TENM2: variants seen among roughly 807,000 people sequenced by gnomAD.
TENM2 encodes the protein teneurin transmembrane protein 2, also known as teneurin-2.
TENM2 carries 52 observed loss-of-function variants against 245.2 expected under a neutral mutation model. The observed-to-expected ratio is 0.21, with a 90% confidence interval of 0.17 to 0.27. The LOEUF is 0.27. TENM2 is among the 10% of genes least tolerant of loss of function. The probability of loss-of-function intolerance (pLI) is 1.00; values close to 1 mark genes in which losing one functional copy is unlikely to be tolerated. For synonymous variants in TENM2, 1,363 were observed against 1,438.9 expected (o/e 0.95, Z 1.19); for missense variants, 3,046 against 3,666.8 (o/e 0.83, Z 4.37).
Position 168,080,216 on chromosome 5 carries a change from G to A in TENM2, c.1516-10358G>A, listed in dbSNP as rs547251562. Among the ~76,000 whole-genome samples the A allele has an allele frequency of 2.2e-3, 330 of 152,206 alleles. 2 individuals carry two copies. The highest frequency in any genetic ancestry group is 7.4e-3 in the African/African-American group (308 of 41,552). ...CTTCTAGATTTTCTAGTTTATTTGC[G>A]TAGAGGTGTTTATAGTATTCTCTGA... On this transcript the variant is annotated intron_variant, in intron 7 of 28. Transcript: ENST00000518659.
intron 2 of TENM2, among the ~76,000 whole-genome samples, chr5:167,702,538 GTA>G (rs200553403): frequency 0.088 from 11,095 of 126,208 alleles, 545 homozygotes; most frequent in African/African-American, 0.17. Context: ...ATGTATGTAT[GTA>G]TGTGTGTGTG....
intron 25 of TENM2, among the ~76,000 whole-genome samples, chr5:168,239,332 T>G (rs189687665): frequency 2.6e-5 from 4 of 152,328 alleles, no homozygotes. Flanking sequence ...TTTTCACATT[T>G]CAAAGTTAAC....
chr5:167,254,442 C>T, the TENM2 span, among the ~76,000 whole-genome samples: 5 of 152,114 alleles, frequency 3.3e-5, no homozygotes, highest in African/African-American at 9.7e-5. Flanking sequence ...CCAAAGTCAT[C>T]CCTCCACCCA....
chr5:167,280,761 TC>T (rs1771002556), upstream of TENM2, among the ~76,000 whole-genome samples: 3 of 94,532 alleles, frequency 3.2e-5, no homozygotes, highest in Admixed American at 3.8e-4. Context: ...TGTCTGTCTA[TC>T]TATCTATCTA....
At chr5:167,471,161 A>G (rs1056928522) in intron 2 of TENM2, among the ~76,000 whole-genome samples, 4 of 152,208 alleles carry the variant, frequency 2.6e-5, no homozygotes, top group Admixed American at 1.3e-4. Context: ...AGATGTGGCT[A>G]CTTTATGACA....
intron 3 of TENM2, among the ~76,000 whole-genome samples, chr5:167,928,393 C>A (rs1475960243): frequency 2.6e-5 from 4 of 152,098 alleles, no homozygotes; most frequent in Non-Finnish European, 5.9e-5. Flanking sequence ...TTCCTCTAGG[C>A]CCATAAAGGA....
At chr5:167,551,514 G>A (rs894988432) in intron 2 of TENM2, among the ~76,000 whole-genome samples, 1 of 152,056 alleles carries the variant, frequency 6.6e-6, no homozygotes, top group African/African-American at 2.4e-5. Flanking sequence ...AAACTCATGA[G>A]CAAATCCATA....
the TENM2 span, among the ~76,000 whole-genome samples, chr5:167,014,509 A>G: frequency 4.6e-5 from 7 of 152,278 alleles, no homozygotes; most frequent in Non-Finnish European, 4.4e-5. Context: ...TGGCAGGTCT[A>G]TATTCAAAAT....
intron 20 of TENM2, among the ~76,000 whole-genome samples, chr5:168,214,593 T>C (rs1763035954): frequency 6.6e-6 from 1 of 152,216 alleles, no homozygotes; most frequent in African/African-American, 2.4e-5. Flanking sequence ...CTGGTATTAA[T>C]GGCCTAGTAC....
chr5:168,058,925 A>G (rs1010792876), intron 6 of TENM2, among the ~76,000 whole-genome samples: 2 of 152,184 alleles, frequency 1.3e-5, no homozygotes, highest in African/African-American at 4.8e-5. Flanking sequence ...TTTTACAAAA[A>G]AAAAGGACTG....
At chr5:167,769,816 A>C (rs554512707) in intron 2 of TENM2, among the ~76,000 whole-genome samples, 5 of 152,182 alleles carry the variant, frequency 3.3e-5, no homozygotes, top group African/African-American at 4.8e-5. Flanking sequence ...GATTGTGTCC[A>C]TTGAGGGATG....
the TENM2 span, among the ~76,000 whole-genome samples, chr5:166,990,266 G>A: frequency 6.6e-6 from 1 of 152,044 alleles, no homozygotes; most frequent in South Asian, 2.1e-4. Flanking sequence ...TAAAATTTTT[G>A]CATCTGAAGG....
chr5:168,158,823 G>GTATATATA (rs1457207916), intron 12 of TENM2, among the ~76,000 whole-genome samples: 1 of 64,448 alleles, frequency 1.6e-5, no homozygotes, highest in African/African-American at 6.2e-5. Flanking sequence ...GTGTGTGTGT[G>GTATATATA]TGTGTGTATA....
chr5:167,319,037 T>A (rs1756552502), intron 1 of TENM2, among the ~76,000 whole-genome samples: 1 of 152,120 alleles, frequency 6.6e-6, no homozygotes, highest in South Asian at 2.1e-4. Flanking sequence ...TTTAGAGATT[T>A]TAAAAAAAAA....
At chr5:167,038,132 C>T in the TENM2 span, among the ~76,000 whole-genome samples, 1 of 152,218 alleles carries the variant, frequency 6.6e-6, no homozygotes, top group African/African-American at 2.4e-5. Context: ...GACACATTGG[C>T]TTTCCTCATG....
intron 2 of TENM2, among the ~76,000 whole-genome samples, chr5:167,467,445 A>G (rs1766736120): frequency 6.6e-6 from 1 of 151,658 alleles, no homozygotes; most frequent in Non-Finnish European, 1.5e-5. Flanking sequence ...GGACTAATAT[A>G]CTCACCTTAG....
chr5:168,092,378 A>C (rs1793015906), intron 8 of TENM2, among the ~76,000 whole-genome samples: 1 of 152,184 alleles, frequency 6.6e-6, no homozygotes, highest in African/African-American at 2.4e-5. Flanking sequence ...GTTTTATTGG[A>C]GCAGCCCCAT....
At chr5:167,553,833 A>C (rs1298371907) in intron 2 of TENM2, among the ~76,000 whole-genome samples, 1 of 152,198 alleles carries the variant, frequency 6.6e-6, no homozygotes, top group African/African-American at 2.4e-5. Flanking sequence ...CCCCTCCTTC[A>C]CACAGACTTT....
chr5:167,853,183 A>G (rs1242263960), intron 2 of TENM2, among the ~76,000 whole-genome samples: 2 of 148,794 alleles, frequency 1.3e-5, no homozygotes, highest in Non-Finnish European at 3.0e-5. Context: ...CCAGCTACTC[A>G]GGAGGCTGAG....
Sources: gnomAD v4.1 joint callset for allele counts (sites outside exome capture counted in the v4.1 genomes callset) on GRCh38, gnomAD v4.1.1 for gene constraint, MANE v1.5 for transcripts, NCBI Gene and HGNC (gene_info 2026-07-23, HGNC 2026-07-21) for gene names.